Variants in OSBPL6 observed in about 807,000 individuals in gnomAD.
The protein encoded by OSBPL6 is oxysterol binding protein like 6, also known as oxysterol-binding protein-related protein 6.
In OSBPL6, 49 loss-of-function variants were observed where a neutral mutation model predicts 125.8. The observed-to-expected ratio is 0.39, with a 90% CI of 0.31 to 0.49. The LOEUF (loss-of-function observed/expected upper bound fraction) is 0.49. Ranked by LOEUF, OSBPL6 falls within the 20% of genes least tolerant of loss-of-function variation. The pLI is 0.88. For missense variants in OSBPL6, 986 were observed against 1,135.4 expected, an observed-to-expected ratio of 0.87 and a Z score of 1.89; for synonymous variants, 394 against 391.8, an observed-to-expected ratio of 1.01 and a Z score of -0.07.
intron 13 of OSBPL6, among the ~76,000 whole-genome samples, chr2:178,368,841 C>T (rs1364863038): frequency 1.3e-5 from 2 of 151,340 alleles, no homozygotes; most frequent in Non-Finnish European, 2.9e-5. Context: ...CAGTGTTGCC[C>T]AGGCTGAAGT....
chr2:178,222,434 GGA>G (rs1370307915), intron 1 of OSBPL6, among the ~76,000 whole-genome samples: 1 of 152,194 alleles, frequency 6.6e-6, no homozygotes, highest in Non-Finnish European at 1.5e-5. Context: ...CACGAGGTCA[GGA>G]GATCGAGACC....
At chr2:178,357,975 A>G (rs923957488) in intron 12 of OSBPL6, among the ~76,000 whole-genome samples, 1 of 152,246 alleles carries the variant, frequency 6.6e-6, no homozygotes, top group Non-Finnish European at 1.5e-5. Context: ...TCAGCAAACT[A>G]TCACAAAGAC....
intron 21 of OSBPL6, among the ~76,000 whole-genome samples, chr2:178,390,343 C>T (rs1050938339): frequency 6.6e-6 from 1 of 152,202 alleles, no homozygotes; most frequent in Non-Finnish European, 1.5e-5. Flanking sequence ...TCTGTTTTGA[C>T]TGCAAGGGGC....
Position 178,344,484 on chromosome 2 carries a change from G to T in OSBPL6, c.987+4720G>T. On this transcript the variant is annotated intron_variant, in intron 11 of 24. Coordinates refer to ENST00000190611, the MANE Select transcript of OSBPL6 (RefSeq NM_032523.4). ...CATCACCTGTAGCCCAATCATGGCA[G>T]CATAGCTTTCACATGTTCTCTGGCT... The T allele has an allele frequency of 1.7e-5, 15 of 870,398 alleles. 1 individual carries two copies. The South Asian group carries it at 2.5e-4, about 15-fold the overall frequency. 53.9% of individuals were successfully genotyped at this position (870,398 alleles called of 1,614,324 possible).
Position 178,248,172 on chromosome 2 carries a change from A to G in OSBPL6, c.-350-36755A>G, listed in dbSNP as rs1157640728. ...CACAGATACTAAGTACCAGAATATA[A>G]GAAGACCATATTCTTTTTTGTATAT... On this transcript the variant is annotated intron_variant, in intron 1 of 24. Coordinates refer to ENST00000190611, the MANE Select transcript of OSBPL6 (RefSeq NM_032523.4). 2.6e-5 allele frequency among the ~76,000 whole-genome samples: 4 copies of G among 152,224 alleles called. No individual in the cohort carries two copies. In the East Asian group the frequency reaches 7.7e-4, roughly 29 times the overall value.
At chr2:178,231,018 C>T (rs866757251) in intron 1 of OSBPL6, among the ~76,000 whole-genome samples, 14 of 151,960 alleles carry the variant, frequency 9.2e-5, no homozygotes, top group Non-Finnish European at 1.2e-4. Flanking sequence ...AGAAGATTAA[C>T]GACAGGGACA....
At chr2:178,360,246 G>A (rs1487030017) in intron 12 of OSBPL6, among the ~76,000 whole-genome samples, 4 of 152,178 alleles carry the variant, frequency 2.6e-5, no homozygotes, top group African/African-American at 9.6e-5. Flanking sequence ...ACACAAAGTA[G>A]CAAATGTGTA....
chr2:178,328,283 G>C lies in OSBPL6; in HGVS notation c.223G>C (p.Gly75Arg). The change falls in exon 5 of 25, where the codon GGG (glycine) becomes CGG (arginine). Residue 75 changes from glycine to arginine, a missense_variant. Transcript: ENST00000190611. Reference sequence around the variant, plus strand: ...AGCTGACAGCTGGGAAATTATAGAAGGGCTGAAAATAGGCCAAACCAATGT... The same window carrying C: ...AGCTGACAGCTGGGAAATTATAGAACGGCTGAAAATAGGCCAAACCAATGT... ...KEADSWEIIE[G>R]LKIGQTNVQK... is the part of the protein sequence containing the mutation. 1 of 1,613,784 alleles carries C rather than the reference G, an allele frequency of 6.2e-7. No homozygotes were observed. Among genetic ancestry groups the C allele is most frequent in the Non-Finnish European group, 8.5e-7 (1 of 1,179,802 alleles).
chr2:178,211,234 C>T (rs1274603681), intron 1 of OSBPL6, among the ~76,000 whole-genome samples: 1 of 152,222 alleles, frequency 6.6e-6, no homozygotes, highest in Non-Finnish European at 1.5e-5. Context: ...TGTACCACCA[C>T]AATCCAGCTT....
chr2:178,243,086 C>T (rs1279022454), intron 1 of OSBPL6, among the ~76,000 whole-genome samples: 5 of 151,854 alleles, frequency 3.3e-5, no homozygotes, highest in African/African-American at 4.8e-5. Context: ...TCTGTGTAGT[C>T]GGTTGATAGC....
At position 178,378,540 on chromosome 2, in the gene OSBPL6, C is replaced by A. The variant is rs187111441; in HGVS notation, c.1534-3880C>A. Among the ~76,000 whole-genome samples, 25 of 152,282 alleles carry A rather than the reference C, an allele frequency of 1.6e-4. No homozygotes were observed. In the East Asian group the frequency reaches 4.6e-3, roughly 28 times the overall value. Reference sequence around the variant, plus strand: ...TAATCTATTTGCCTTTACTTTTAAACTTGTTTCTGCAATGCTGCATGCCTG... The same window carrying A: ...TAATCTATTTGCCTTTACTTTTAAAATTGTTTCTGCAATGCTGCATGCCTG... On this transcript the variant is annotated intron_variant, in intron 15 of 24. Coordinates refer to ENST00000190611, the MANE Select transcript of OSBPL6 (RefSeq NM_032523.4).
intron 15 of OSBPL6, among the ~76,000 whole-genome samples, chr2:178,376,216 C>G (rs1455328360): frequency 2.0e-5 from 3 of 152,090 alleles, no homozygotes; most frequent in African/African-American, 7.2e-5. Flanking sequence ...ACCTCTAATT[C>G]AGCACGTCCC....
chr2:178,381,641 C>T (rs1232532976), intron 15 of OSBPL6, among the ~76,000 whole-genome samples: 1 of 152,066 alleles, frequency 6.6e-6, no homozygotes, highest in African/African-American at 2.4e-5. Flanking sequence ...GCGTGAGCCA[C>T]CACACCCAGC....
At chr2:178,299,689 G>T (rs1410847275) in intron 2 of OSBPL6, among the ~76,000 whole-genome samples, 1 of 152,172 alleles carries the variant, frequency 6.6e-6, no homozygotes, top group Non-Finnish European at 1.5e-5. Context: ...ACATTAAATT[G>T]TGTCAATATG....
chr2:178,329,038 A>G (rs555988089), intron 5 of OSBPL6, among the ~76,000 whole-genome samples: 2 of 152,334 alleles, frequency 1.3e-5, no homozygotes, highest in Admixed American at 6.5e-5. Context: ...TATATTATAT[A>G]TCCCACTGCT....
chr2:178,370,890 G>A (rs1177069607), intron 13 of OSBPL6, among the ~76,000 whole-genome samples: 1 of 152,200 alleles, frequency 6.6e-6, no homozygotes, highest in Non-Finnish European at 1.5e-5. Flanking sequence ...GGAAGACATG[G>A]GGACCAGGAT....
intron 1 of OSBPL6, among the ~76,000 whole-genome samples, chr2:178,195,950 T>G (rs2088861081): frequency 6.6e-6 from 1 of 152,182 alleles, no homozygotes; most frequent in Admixed American, 6.5e-5. Context: ...TACATTAACT[T>G]TGTTTTCCTC....
chr2:178,277,339 T>C (rs1208163970), intron 1 of OSBPL6, among the ~76,000 whole-genome samples: 2 of 152,250 alleles, frequency 1.3e-5, no homozygotes. Context: ...CTTAGCTGTA[T>C]GATCAGTCAT....
chr2:178,282,653 T>C (rs185240831), intron 1 of OSBPL6, among the ~76,000 whole-genome samples: 3 of 152,020 alleles, frequency 2.0e-5, no homozygotes, highest in Non-Finnish European at 4.4e-5. Context: ...AGTTTCTGCT[T>C]TTTGTTTTTT....
Sources: allele counts gnomAD v4.1 joint callset (sites outside exome capture counted in the v4.1 genomes callset), GRCh38; gene constraint gnomAD v4.1.1; transcripts MANE v1.5; gene names NCBI Gene and HGNC (gene_info 2026-07-23, HGNC 2026-07-21).